The following PDE1A variants were observed in gnomAD, a reference collection of about 807,000 sequenced individuals.
The protein encoded by PDE1A is dual specificity calcium/calmodulin-dependent 3',5'-cyclic nucleotide phosphodiesterase 1A.
Under a neutral mutation model 61.7 loss-of-function variants are expected in PDE1A, and 35 were observed. The observed-to-expected ratio is 0.57, with a 90% CI of 0.43 to 0.75. The LOEUF (loss-of-function observed/expected upper bound fraction) is 0.75, where lower values mean the gene tolerates loss of function less well. PDE1A is among the 30% of genes least tolerant of loss of function. PDE1A has a pLI of 0.00. For missense variants in PDE1A, 597 were observed against 630.6 expected (o/e 0.95, Z 0.57); for synonymous variants, 232 against 213.2 (o/e 1.09, Z -0.77).
chr2:182,671,615 C>A, the PDE1A span, among the ~76,000 whole-genome samples: 1 of 103,546 alleles, frequency 9.7e-6, no homozygotes, highest in East Asian at 3.1e-4. Context: ...TTGTGACTTT[C>A]TTTTTCTTTT....
At chr2:182,192,995 T>A (rs1174729330) in intron 10 of PDE1A, among the ~76,000 whole-genome samples, 1 of 152,130 alleles carries the variant, frequency 6.6e-6, no homozygotes, top group African/African-American at 2.4e-5. Context: ...TTTTTGTTTT[T>A]CTTTTTTTCT....
the PDE1A span, among the ~76,000 whole-genome samples, chr2:182,716,669 C>G: frequency 2.6e-5 from 4 of 152,210 alleles, no homozygotes; most frequent in Non-Finnish European, 4.4e-5. Context: ...CTCTGCCCAG[C>G]GATTCCCTCT....
chr2:182,455,030 A>T (rs1685808042), intron 2 of PDE1A, among the ~76,000 whole-genome samples: 1 of 152,018 alleles, frequency 6.6e-6, no homozygotes, highest in African/African-American at 2.4e-5. Flanking sequence ...TAATATCCAG[A>T]ATCTACAATG....
At chr2:182,714,350 A>AT in the PDE1A span, among the ~76,000 whole-genome samples, 2 of 151,836 alleles carry the variant, frequency 1.3e-5, no homozygotes, top group Non-Finnish European at 2.9e-5. Context: ...TTTTTCTCCT[A>AT]TTTTTTCTCC....
At chr2:182,423,855 A>G (rs1202338919) in intron 1 of PDE1A, among the ~76,000 whole-genome samples, 1 of 151,746 alleles carries the variant, frequency 6.6e-6, no homozygotes, top group African/African-American at 2.4e-5. Flanking sequence ...TTAAAGCTGG[A>G]GCTTCAATTA....
chr2:182,626,738 C>A, the PDE1A span, among the ~76,000 whole-genome samples: 2 of 13,946 alleles, frequency 1.4e-4, no homozygotes, highest in Admixed American at 1.8e-3. Context: ...TATATATATA[C>A]ATATATATAC....
At chr2:182,455,143 A>T (rs1685818144) in intron 2 of PDE1A, among the ~76,000 whole-genome samples, 1 of 152,008 alleles carries the variant, frequency 6.6e-6, no homozygotes, top group Non-Finnish European at 1.5e-5. Flanking sequence ...GCAGCCAAAA[A>T]ACACATGAAA....
At chr2:182,616,749 T>G in the PDE1A span, among the ~76,000 whole-genome samples, 1 of 152,216 alleles carries the variant, frequency 6.6e-6, no homozygotes, top group African/African-American at 2.4e-5. Context: ...TCTGCAGATC[T>G]TTTAAAACAT....
chr2:182,630,512 T>A, the PDE1A span, among the ~76,000 whole-genome samples: 1 of 151,998 alleles, frequency 6.6e-6, no homozygotes, highest in Non-Finnish European at 1.5e-5. Flanking sequence ...TACAGCATGT[T>A]CTCACATGGT....
At chr2:182,438,863 A>T (rs1356048918) in intron 2 of PDE1A, among the ~76,000 whole-genome samples, 1 of 152,004 alleles carries the variant, frequency 6.6e-6, no homozygotes, top group Non-Finnish European at 1.5e-5. Context: ...GCAGTTTTGG[A>T]AGATGTCACT....
chr2:182,500,485 G>C (rs34377459), intron 2 of PDE1A, among the ~76,000 whole-genome samples: 44,936 of 112,106 alleles, frequency 0.4, 8,011 homozygotes, highest in East Asian at 0.56. Context: ...CAGGAGCTGA[G>C]AAAAGTTTAA....
chr2:182,461,724 C>T (rs1686300920), intron 2 of PDE1A, among the ~76,000 whole-genome samples: 1 of 152,140 alleles, frequency 6.6e-6, no homozygotes, highest in Admixed American at 6.6e-5. Flanking sequence ...AGTGCTGGTG[C>T]TTTCTTCAGC....
the PDE1A span, among the ~76,000 whole-genome samples, chr2:182,644,340 A>G: frequency 6.8e-6 from 1 of 147,120 alleles, no homozygotes; most frequent in Non-Finnish European, 1.5e-5. Context: ...TATGAAACCC[A>G]AAGTTGTTAT....
intron 1 of PDE1A, among the ~76,000 whole-genome samples, chr2:182,367,342 A>G (rs1466839243): frequency 6.6e-6 from 1 of 152,096 alleles, no homozygotes; most frequent in Non-Finnish European, 1.5e-5. Context: ...TTTGTTTACA[A>G]GAGTGTGATA....
At chr2:182,664,488 A>T in the PDE1A span, among the ~76,000 whole-genome samples, 1 of 152,196 alleles carries the variant, frequency 6.6e-6, no homozygotes. Flanking sequence ...TAACTAAAGT[A>T]CTAATATTTA....
At chr2:182,628,283 C>T in the PDE1A span, among the ~76,000 whole-genome samples, 2 of 152,170 alleles carry the variant, frequency 1.3e-5, no homozygotes, top group South Asian at 4.1e-4. Flanking sequence ...AGCAGGAAAA[C>T]TAGAGAGCTT....
the PDE1A span, among the ~76,000 whole-genome samples, chr2:182,608,554 C>T: frequency 1.3e-5 from 2 of 152,156 alleles, no homozygotes; most frequent in African/African-American, 4.8e-5. Flanking sequence ...GCACTCGGAG[C>T]CGCGCCGCAC....
chr2:182,254,810 G>C (rs1414515010), intron 2 of PDE1A, among the ~76,000 whole-genome samples: 1 of 152,140 alleles, frequency 6.6e-6, no homozygotes, highest in Non-Finnish European at 1.5e-5. Flanking sequence ...TCACTGCAGA[G>C]ACAACACAGT....
chr2:182,633,770 A>G, the PDE1A span, among the ~76,000 whole-genome samples: 2 of 152,134 alleles, frequency 1.3e-5, no homozygotes, highest in Admixed American at 1.3e-4. Context: ...CACAACACGT[A>G]AGTCCAAACT....
Sources: allele counts gnomAD v4.1 joint callset (sites outside exome capture counted in the v4.1 genomes callset), GRCh38; gene constraint gnomAD v4.1.1; transcripts MANE v1.5; gene names NCBI Gene and HGNC (gene_info 2026-07-23, HGNC 2026-07-21).